The following SYT17 variants were observed in gnomAD, a reference collection of about 807,000 sequenced individuals.
The protein encoded by SYT17 is synaptotagmin 17.
SYT17 carries 22 observed loss-of-function variants against 46.7 expected under a neutral mutation model. That is an observed-to-expected ratio of 0.47 (90% CI 0.34 to 0.67). The LOEUF is 0.67. SYT17 is among the 30% of genes least tolerant of loss of function. SYT17 has a pLI of 0.01. For synonymous variants in SYT17, 251 were observed against 248.4 expected (o/e 1.01, Z -0.10); for missense variants, 519 against 612.8 (o/e 0.85, Z 1.62).
At chr16:19,198,335 G>A (rs928326952) in intron 5 of SYT17, among the ~76,000 whole-genome samples, 6 of 152,160 alleles carry the variant, frequency 3.9e-5, no homozygotes, top group Non-Finnish European at 8.8e-5. Flanking sequence ...AGAGAGCCTG[G>A]CACATGTTTA....
At chr16:19,180,154 A>T (rs1964488313) in intron 3 of SYT17, 1 of 485,264 alleles carries the variant, frequency 2.1e-6, no homozygotes. Context: ...AAATTATGCA[A>T]GTTCTTGACA....
intron 7 of SYT17, among the ~76,000 whole-genome samples, chr16:19,242,979 CA>C (rs1967247291): frequency 6.6e-6 from 1 of 152,142 alleles, no homozygotes; most frequent in African/African-American, 2.4e-5. Flanking sequence ...AGCAGATGCT[CA>C]GTGGGTGTAA....
chr16:19,226,751 A>G (rs915494366), intron 7 of SYT17, among the ~76,000 whole-genome samples: 1 of 152,196 alleles, frequency 6.6e-6, no homozygotes, highest in Admixed American at 6.5e-5. Context: ...AGACACAGAT[A>G]AAAAATGAAG....
chr16:19,236,974 G>A (rs953161642), intron 7 of SYT17, among the ~76,000 whole-genome samples: 64 of 152,284 alleles, frequency 4.2e-4, no homozygotes, highest in African/African-American at 1.5e-3. Context: ...CACATTGCTA[G>A]GCTAGCCAAG....
chr16:19,182,370 C>T lies in SYT17; in HGVS notation c.332-1158C>T, dbSNP rs1046808566. Reference sequence around the variant, plus strand: ...GTGGAGGTTGCAGTGAGCCGAGATCCGCCACTGCACTCCAGCCTGGACGAT... The same window carrying T: ...GTGGAGGTTGCAGTGAGCCGAGATCTGCCACTGCACTCCAGCCTGGACGAT... On this transcript the variant is annotated intron_variant, in intron 4 of 7. Transcript: ENST00000355377. Among the ~76,000 whole-genome samples the T allele has an allele frequency of 5.9e-5, 9 of 152,238 alleles. No individual in the cohort carries two copies. In the East Asian group the frequency reaches 1.7e-3, roughly 29 times the overall value.
intron 5 of SYT17, among the ~76,000 whole-genome samples, chr16:19,203,336 CA>C (rs3038782): frequency 1.5e-4 from 22 of 145,598 alleles, no homozygotes; most frequent in East Asian, 2.1e-4. Flanking sequence ...ACTAACAATA[CA>C]AAAAAAAAAA....
At chr16:19,172,336 CTG>C in intron 1 of SYT17, 2 of 1,360,766 alleles carry the variant, frequency 1.5e-6, no homozygotes, top group East Asian at 2.8e-5. Flanking sequence ...GTAACATCCA[CTG>C]TGTGCCTGCC....
At chr16:19,178,812 C>G (rs1204037613) in intron 3 of SYT17, among the ~76,000 whole-genome samples, 1 of 152,166 alleles carries the variant, frequency 6.6e-6, no homozygotes, top group Non-Finnish European at 1.5e-5. Context: ...ACGTCACCAG[C>G]TGTTTTTCTA....
At chr16:19,248,823 A>T (rs1425497472) in intron 7 of SYT17, among the ~76,000 whole-genome samples, 1 of 151,404 alleles carries the variant, frequency 6.6e-6, no homozygotes, top group African/African-American at 2.4e-5. Context: ...CTCTGTCTCA[A>T]CAACAACAAC....
At position 19,224,702 on chromosome 16, in the gene SYT17, G is replaced by C; in HGVS notation, c.1092G>C (p.Gln364His). ...TTTCAGACCCCTTTGTGAAAATCCA[G>C]CTGGTGCATGGACTCAAACTTGTGA... ...SQGSDPFVKI[Q>H]LVHGLKLVKT... Residue 364 changes from glutamine to histidine, a missense_variant, in exon 7 of 8, where the codon CAG becomes CAC. Gln to His is a conservative substitution (Grantham distance 24). Coordinates refer to ENST00000355377, the MANE Select transcript of SYT17 (RefSeq NM_016524.4). 3 of 1,614,060 alleles carry C rather than the reference G, an allele frequency of 1.9e-6. No individual in the cohort carries two copies. Among genetic ancestry groups the C allele is most frequent in the Non-Finnish European group, 2.5e-6 (3 of 1,179,956 alleles).
intron 5 of SYT17, among the ~76,000 whole-genome samples, chr16:19,210,348 TG>T (rs1157059034): frequency 6.6e-6 from 1 of 152,120 alleles, no homozygotes; most frequent in East Asian, 1.9e-4. Flanking sequence ...ATTACAAGCG[TG>T]AGTCACCGTG....
chr16:19,172,866 T>A, intron 2 of SYT17, 89 bp downstream of exon 2: 1 of 1,478,950 alleles, frequency 6.8e-7, no homozygotes, highest in South Asian at 1.2e-5. Context: ...GCTGTGGGGA[T>A]ATTGAATATT....
chr16:19,255,166 T>A (rs1156523536), intron 7 of SYT17, among the ~76,000 whole-genome samples: 2 of 152,210 alleles, frequency 1.3e-5, no homozygotes, highest in Non-Finnish European at 2.9e-5. Flanking sequence ...GTCTCCCAGC[T>A]CCTTTACCCT....
intron 7 of SYT17, among the ~76,000 whole-genome samples, chr16:19,236,740 C>G (rs1312543492): frequency 6.6e-6 from 1 of 152,162 alleles, no homozygotes; most frequent in Non-Finnish European, 1.5e-5. Flanking sequence ...ACAGCATTAC[C>G]TCTACTCAGT....
intron 5 of SYT17, among the ~76,000 whole-genome samples, chr16:19,193,750 G>A (rs779234681): frequency 1.8e-4 from 28 of 152,218 alleles, no homozygotes; most frequent in South Asian, 4.2e-4. Flanking sequence ...AATCATACTG[G>A]GGAACTCAGT....
chr16:19,179,705 G>A (rs562781736), intron 3 of SYT17, among the ~76,000 whole-genome samples: 4 of 152,178 alleles, frequency 2.6e-5, no homozygotes, highest in African/African-American at 7.2e-5. Context: ...CCCAGCCAGG[G>A]TTCAGCCCCA....
chr16:19,200,589 A>G (rs967248619), intron 5 of SYT17, among the ~76,000 whole-genome samples: 2 of 152,188 alleles, frequency 1.3e-5, no homozygotes, highest in African/African-American at 2.4e-5. Flanking sequence ...ACTTGGCTCC[A>G]TGGACTGAGG....
chr16:19,223,981 G>A (rs974433308), intron 6 of SYT17, among the ~76,000 whole-genome samples: 6 of 152,190 alleles, frequency 3.9e-5, no homozygotes, highest in African/African-American at 1.4e-4. Flanking sequence ...TAACCACTAT[G>A]TGCCTCAATT....
At chr16:19,202,981 G>T (rs229006) in intron 5 of SYT17, among the ~76,000 whole-genome samples, 35,133 of 152,014 alleles carry the variant, frequency 0.23, 4,317 homozygotes, top group Non-Finnish European at 0.27. Flanking sequence ...ACCTCTGTAA[G>T]TGTTCAGGGG....
Sources: allele counts gnomAD v4.1 joint callset (sites outside exome capture counted in the v4.1 genomes callset), GRCh38; gene constraint gnomAD v4.1.1; transcripts MANE v1.5; gene names NCBI Gene and HGNC (gene_info 2026-07-23, HGNC 2026-07-21).